Variants in KCTD14 observed in about 807,000 individuals in gnomAD.
KCTD14 encodes the protein potassium channel tetramerization domain containing 14, also known as BTB/POZ domain-containing protein KCTD14.
A neutral mutation model predicts 5.9 loss-of-function variants in KCTD14; 7 were observed. The observed-to-expected ratio is 1.19, with a 90% CI of 0.68 to 2.23. KCTD14 has a LOEUF of 2.23. KCTD14 is among the 30% of genes most tolerant of loss of function. The pLI, the probability that KCTD14 is intolerant of heterozygous loss-of-function variation, is 0.00. For missense variants in KCTD14, 342 were observed against 332.2 expected (o/e 1.03, Z -0.23); for synonymous variants, 140 against 133.1 (o/e 1.05, Z -0.36).
At chr11:78,025,685 G>A (rs1341048895), upstream of KCTD14, among the ~76,000 whole-genome samples, 1 of 152,204 alleles carries the variant, frequency 6.6e-6, no homozygotes, top group Admixed American at 6.5e-5. Flanking sequence ...GGCCAGTGTA[G>A]ACTATTTAGC....
intron 2 of KCTD14, among the ~76,000 whole-genome samples, chr11:78,037,813 C>T (rs1006428556): frequency 2.0e-5 from 3 of 151,956 alleles, no homozygotes; most frequent in Non-Finnish European, 4.4e-5. Flanking sequence ...GAGTGAGACC[C>T]TGTTTCAAAA....
chr11:78,019,212 C>A (rs540105625), intron 1 of KCTD14, among the ~76,000 whole-genome samples: 101 of 152,126 alleles, frequency 6.6e-4, no homozygotes, highest in African/African-American at 2.3e-3. Flanking sequence ...CTGGGTTTCA[C>A]CATGTTGGCC....
intron 1 of KCTD14, chr11:78,022,957 G>C (rs1473403693): frequency 1.3e-5 from 7 of 548,686 alleles, no homozygotes; most frequent in Non-Finnish European, 2.2e-5. Flanking sequence ...GGGACACCGA[G>C]GCGCGAAAGG....
At chr11:78,026,267 T>C (rs1023005502), upstream of KCTD14, among the ~76,000 whole-genome samples, 2 of 151,698 alleles carry the variant, frequency 1.3e-5, no homozygotes, top group Non-Finnish European at 2.9e-5. Flanking sequence ...TGAAACCCCA[T>C]CTCTACTAAA....
At chr11:78,033,552 G>A (rs1240329910) in intron 2 of KCTD14, among the ~76,000 whole-genome samples, 1 of 151,846 alleles carries the variant, frequency 6.6e-6, no homozygotes, top group Non-Finnish European at 1.5e-5. Context: ...CATGGTGGCA[G>A]GCACCTGTAG....
At chr11:78,020,501 G>C (rs1368229372) in intron 1 of KCTD14, among the ~76,000 whole-genome samples, 1 of 152,230 alleles carries the variant, frequency 6.6e-6, no homozygotes, top group Non-Finnish European at 1.5e-5. Flanking sequence ...AGAAAAATAA[G>C]CCCAGAACCT....
At chr11:78,029,160 G>A (rs1440434685) in intron 2 of KCTD14, among the ~76,000 whole-genome samples, 1 of 144,380 alleles carries the variant, frequency 6.9e-6, no homozygotes, top group African/African-American at 2.6e-5. Flanking sequence ...ACTCCAGCCT[G>A]AGCAAAAGAG....
chr11:78,031,602 G>C (rs947910229), intron 2 of KCTD14, among the ~76,000 whole-genome samples: 17 of 151,734 alleles, frequency 1.1e-4, no homozygotes, highest in Admixed American at 1.1e-3. Flanking sequence ...TGGCCAGGTT[G>C]GTCTCAAACT....
intron 1 of KCTD14, among the ~76,000 whole-genome samples, chr11:78,043,076 GGATT>G (rs1858039326): frequency 6.6e-6 from 1 of 152,096 alleles, no homozygotes; most frequent in South Asian, 2.1e-4. Context: ...CAAAGTGCTG[GGATT>G]ACAAGTGATC....
chr11:78,023,148 C>A lies in KCTD14; in HGVS notation c.90+12G>T, dbSNP rs1298720250. 3.2e-6 allele frequency: 5 copies of A among 1,547,836 alleles called. No individual in the cohort carries two copies. Among genetic ancestry groups the A allele is most frequent in the Non-Finnish European group, 4.4e-6 (5 of 1,137,746 alleles). On this transcript the variant is annotated intron_variant, in intron 1 of 1. Coordinates refer to ENST00000353172, the MANE Select transcript of KCTD14 (RefSeq NM_023930.4). ...GACAGAGGCGCGGGGACGCAGCTAG[C>A]CTCGCACTTACCGTTGGCCGCCTGG...
intron 1 of KCTD14, among the ~76,000 whole-genome samples, chr11:78,019,076 T>A: frequency 6.7e-6 from 1 of 149,664 alleles, no homozygotes; most frequent in East Asian, 2.0e-4. Flanking sequence ...CAGGCTAGAG[T>A]GCAGTGATGT....
upstream of KCTD14, among the ~76,000 whole-genome samples, chr11:78,027,460 T>A (rs1264639177): frequency 2.0e-5 from 3 of 151,416 alleles, no homozygotes; most frequent in African/African-American, 4.9e-5. Context: ...CCTCCCAAGT[T>A]CAAGCAATTC....
rs1030792940 is a variant in KCTD14 at position 78,016,368 on chromosome 11, T to C, written c.*225A>G. On this transcript the variant is annotated 3_prime_UTR_variant, in exon 2 of 2. Transcript: ENST00000353172. ...TCAAGAGAAGGGTCTGGGAGATACA[T>C]GAGGCTTTGAAAAGGAAGTAGCTGC... The C allele has an allele frequency of 5.2e-6, 3 of 580,036 alleles. No homozygotes were observed. Among genetic ancestry groups the C allele is most frequent in the African/African-American group, 3.7e-5 (2 of 53,564 alleles). 35.9% of individuals were successfully genotyped at this position (580,036 alleles called of 1,614,324 possible). A position where few individuals can be genotyped will look rare whatever the true frequency, so the allele number is the denominator to read the frequency against.
chr11:78,016,522 A>G lies in KCTD14; in HGVS notation c.*71T>C. 1 of 1,359,614 alleles carries G rather than the reference A, an allele frequency of 7.4e-7. No homozygotes were observed. The highest frequency in any genetic ancestry group is 1.0e-6 in the Non-Finnish European group (1 of 986,472). The allele number at this position is 1,359,614 out of a possible 1,614,324, so 84.2% of individuals were successfully genotyped here. A position where few individuals can be genotyped will look rare whatever the true frequency, so the allele number is the denominator to read the frequency against. On this transcript the variant is annotated 3_prime_UTR_variant, in exon 2 of 2. Transcript: ENST00000353172. ...GCCTGATGTTTGTGAAATTAAAAGA[A>G]AATGGCTTTGATGGCAACTTTTAAT...
chr11:78,024,302 T>A (rs181610369), upstream of KCTD14, among the ~76,000 whole-genome samples: 2 of 150,308 alleles, frequency 1.3e-5, no homozygotes, highest in African/African-American at 4.9e-5. Context: ...GGAGAATCGC[T>A]GGAACCCGGG....
chr11:78,020,341 G>A (rs1857276375), intron 1 of KCTD14, among the ~76,000 whole-genome samples: 1 of 152,220 alleles, frequency 6.6e-6, no homozygotes, highest in Non-Finnish European at 1.5e-5. Flanking sequence ...TAAGATTAAA[G>A]TACTGGAGTT....
chr11:78,037,140 G>A (rs1472047483), intron 2 of KCTD14, among the ~76,000 whole-genome samples: 1 of 152,294 alleles, frequency 6.6e-6, no homozygotes, highest in African/African-American at 2.4e-5. Context: ...AGGCAGAGGG[G>A]CCAATCAGTA....
intron 2 of KCTD14, among the ~76,000 whole-genome samples, chr11:78,034,859 T>A (rs1396191172): frequency 1.3e-5 from 2 of 152,152 alleles, no homozygotes. Flanking sequence ...CCACCCTGCT[T>A]TTATTCACTC....
chr11:78,042,065 T>A (rs187316527), intron 1 of KCTD14, among the ~76,000 whole-genome samples: 1 of 152,190 alleles, frequency 6.6e-6, no homozygotes, highest in African/African-American at 2.4e-5. Flanking sequence ...CAAGGACCCC[T>A]GGTAAAAAAA....
Sources: allele counts gnomAD v4.1 joint callset (sites outside exome capture counted in the v4.1 genomes callset), GRCh38; gene constraint gnomAD v4.1.1; transcripts MANE v1.5; gene names NCBI Gene and HGNC (gene_info 2026-07-23, HGNC 2026-07-21).